Variants in CLASP1 observed in about 807,000 individuals in gnomAD.
CLASP1 encodes cytoplasmic linker associated protein 1, also known as CLIP-associating protein 1.
In CLASP1, 38 loss-of-function variants were observed where a neutral mutation model predicts 192.3. That is an observed-to-expected ratio of 0.20 (90% CI 0.15 to 0.26). The LOEUF is 0.26. Ranked by LOEUF, CLASP1 falls within the 10% of genes least tolerant of loss-of-function variation. The probability of loss-of-function intolerance (pLI) is 1.00; values close to 1 mark genes in which losing one functional copy is unlikely to be tolerated. For synonymous variants in CLASP1, 691 were observed against 712.8 expected (o/e 0.97, Z 0.49); for missense variants, 1,433 against 1,932.5 (o/e 0.74, Z 4.85).
At chr2:121,386,538 C>G (rs1437043046) in intron 32 of CLASP1, among the ~76,000 whole-genome samples, 1 of 152,210 alleles carries the variant, frequency 6.6e-6, no homozygotes, top group Non-Finnish European at 1.5e-5. Context: ...CAAGACAAAG[C>G]AGTTTCTCTT....
chr2:121,382,159 T>C, intron 33 of CLASP1, 49 bp downstream of exon 34: 1 of 1,430,010 alleles, frequency 7.0e-7, no homozygotes, highest in Non-Finnish European at 9.7e-7. Flanking sequence ...ACCTTGGAAA[T>C]GCAATAATAT....
At chr2:121,440,464 C>T (rs1483843936) in intron 19 of CLASP1, among the ~76,000 whole-genome samples, 2 of 152,186 alleles carry the variant, frequency 1.3e-5, no homozygotes, top group Non-Finnish European at 1.5e-5. Context: ...CTTTGGGAGG[C>T]CAAGGCACGA....
At chr2:121,478,977 CA>C (rs2092302826) in intron 8 of CLASP1, among the ~76,000 whole-genome samples, 1 of 86,806 alleles carries the variant, frequency 1.2e-5, no homozygotes, top group Non-Finnish European at 2.3e-5. Context: ...ACACACCACA[CA>C]CACACCACAC....
chr2:121,616,702 T>C (rs978058341), intron 1 of CLASP1, among the ~76,000 whole-genome samples: 1 of 152,180 alleles, frequency 6.6e-6, no homozygotes, highest in Admixed American at 6.5e-5. Flanking sequence ...AAAGACGCGC[T>C]GCCATGCCCT....
intron 2 of CLASP1, among the ~76,000 whole-genome samples, chr2:121,557,026 A>C (rs1315435464): frequency 6.6e-6 from 1 of 152,102 alleles, no homozygotes; most frequent in African/African-American, 2.4e-5. Context: ...TACAAAACTA[A>C]AACTAGTGGT....
intron 2 of CLASP1, among the ~76,000 whole-genome samples, chr2:121,553,396 T>C (rs929994988): frequency 5.9e-5 from 9 of 151,966 alleles, no homozygotes; most frequent in African/African-American, 2.2e-4. Flanking sequence ...AATAGCAAGG[T>C]ACTGCACTTT....
At chr2:121,404,077 T>A (rs2076547960) in intron 26 of CLASP1, among the ~76,000 whole-genome samples, 1 of 152,210 alleles carries the variant, frequency 6.6e-6, no homozygotes, top group African/African-American at 2.4e-5. Flanking sequence ...ACCTCACTGT[T>A]TGGCTAAGAG....
intron 39 of CLASP1, among the ~76,000 whole-genome samples, chr2:121,341,181 G>A (rs998447362): frequency 6.6e-6 from 1 of 152,196 alleles, no homozygotes; most frequent in East Asian, 1.9e-4. Flanking sequence ...GGGAAAAGCC[G>A]TGGGCAATTA....
At chr2:121,478,395 G>T (rs984207054) in intron 8 of CLASP1, among the ~76,000 whole-genome samples, 2 of 152,074 alleles carry the variant, frequency 1.3e-5, no homozygotes, top group Non-Finnish European at 2.9e-5. Context: ...GAGGTCAGGA[G>T]TTCCAGACCA....
chr2:121,636,887 C>T (rs1030069248), intron 1 of CLASP1, among the ~76,000 whole-genome samples: 1 of 150,174 alleles, frequency 6.7e-6, no homozygotes, highest in Non-Finnish European at 1.5e-5. Context: ...CTTTTTAATA[C>T]ATCAACCAGT....
intron 2 of CLASP1, 43 bp downstream of exon 2, chr2:121,605,658 C>A (rs1392354479): frequency 3.3e-6 from 5 of 1,507,426 alleles, no homozygotes; most frequent in African/African-American, 1.4e-5. Flanking sequence ...TCTACCAGTG[C>A]AGCCCAGCCA....
chr2:121,545,132 G>C (rs1257469683), intron 2 of CLASP1, among the ~76,000 whole-genome samples: 2 of 151,952 alleles, frequency 1.3e-5, no homozygotes, highest in African/African-American at 4.8e-5. Context: ...GGTTGGTCTT[G>C]AACTCCTGAC....
intron 8 of CLASP1, among the ~76,000 whole-genome samples, chr2:121,492,174 G>T (rs1260392093): frequency 6.6e-6 from 1 of 151,968 alleles, no homozygotes. Flanking sequence ...TAGATCACGA[G>T]GTCAGGAGAT....
chr2:121,549,910 G>A (rs1211908126), intron 2 of CLASP1, among the ~76,000 whole-genome samples: 3 of 151,178 alleles, frequency 2.0e-5, no homozygotes, highest in Non-Finnish European at 2.9e-5. Flanking sequence ...GGAGGCTGAG[G>A]CAGGAGAATG....
chr2:121,547,399 T>G (rs925316093), intron 2 of CLASP1, among the ~76,000 whole-genome samples: 1 of 133,196 alleles, frequency 7.5e-6, no homozygotes, highest in Non-Finnish European at 1.6e-5. Context: ...CCCACCCCCC[T>G]ACTCTTCACC....
intron 1 of CLASP1, among the ~76,000 whole-genome samples, chr2:121,648,661 C>CA (rs1202458925): frequency 1.3e-5 from 2 of 152,212 alleles, no homozygotes; most frequent in Non-Finnish European, 1.5e-5. Flanking sequence ...CAAGATCACA[C>CA]ACTCATCTTC....
At chr2:121,371,617 T>C in intron 34 of CLASP1, among the ~76,000 whole-genome samples, 1 of 152,022 alleles carries the variant, frequency 6.6e-6, no homozygotes, top group Non-Finnish European at 1.5e-5. Flanking sequence ...CCCCCATTCC[T>C]CACAACAAGT....
chr2:121,373,498 C>T (rs1336322982), intron 34 of CLASP1, among the ~76,000 whole-genome samples: 7 of 152,052 alleles, frequency 4.6e-5, no homozygotes, highest in Non-Finnish European at 7.4e-5. Context: ...AACTGGGTAA[C>T]GGACAGAGGC....
intron 2 of CLASP1, among the ~76,000 whole-genome samples, chr2:121,531,824 G>C (rs1328181450): frequency 6.6e-6 from 1 of 150,930 alleles, no homozygotes; most frequent in Non-Finnish European, 1.5e-5. Flanking sequence ...GCCAACATCG[G>C]GCCACTGCAC....
Sources: allele counts gnomAD v4.1 joint callset (sites outside exome capture counted in the v4.1 genomes callset), GRCh38; gene constraint gnomAD v4.1.1; transcripts MANE v1.5; gene names NCBI Gene and HGNC (gene_info 2026-07-23, HGNC 2026-07-21).